PARD3: variants seen among roughly 807,000 people sequenced by gnomAD.
PARD3 encodes the protein partitioning defective 3 homolog.
A neutral mutation model predicts 155.4 loss-of-function variants in PARD3; 75 were observed. The observed-to-expected ratio is 0.48, with a 90% confidence interval of 0.40 to 0.58. The LOEUF is 0.58. PARD3 is among the 20% of genes least tolerant of loss of function. The probability of loss-of-function intolerance (pLI) is 0.00; values close to 1 mark genes in which losing one functional copy is unlikely to be tolerated. For synonymous variants in PARD3, 576 were observed against 610.5 expected (o/e 0.94, Z 0.83); for missense variants, 1,642 against 1,721.7 (o/e 0.95, Z 0.82).
intron 20 of PARD3, among the ~76,000 whole-genome samples, chr10:34,310,942 C>G (rs1328274565): frequency 6.6e-6 from 1 of 152,194 alleles, no homozygotes; most frequent in Non-Finnish European, 1.5e-5. Flanking sequence ...TTTGGAGAAG[C>G]ATTGTTTTCT....
At chr10:34,649,279 A>G (rs1329420547) in intron 2 of PARD3, among the ~76,000 whole-genome samples, 1 of 152,198 alleles carries the variant, frequency 6.6e-6, no homozygotes, top group Non-Finnish European at 1.5e-5. Flanking sequence ...CCTTATCTCC[A>G]TAATTAATTA....
chr10:34,605,044 G>A (rs1390711935), intron 2 of PARD3, among the ~76,000 whole-genome samples: 3 of 151,848 alleles, frequency 2.0e-5, no homozygotes, highest in African/African-American at 7.3e-5. Flanking sequence ...CTCTTCTGGT[G>A]ATTATTATTA....
At chr10:34,535,336 A>T (rs1589917826) in intron 2 of PARD3, among the ~76,000 whole-genome samples, 1 of 152,130 alleles carries the variant, frequency 6.6e-6, no homozygotes, top group African/African-American at 2.4e-5. Context: ...GTGTGCCTGA[A>T]AATCCCCCAT....
chr10:34,417,977 T>G (rs1281601986), intron 5 of PARD3, among the ~76,000 whole-genome samples: 2 of 152,142 alleles, frequency 1.3e-5, no homozygotes, highest in Non-Finnish European at 2.9e-5. Context: ...TCATAAAAAC[T>G]TAAGTTCATA....
intron 22 of PARD3, among the ~76,000 whole-genome samples, chr10:34,159,671 T>C (rs1394779157): frequency 6.6e-6 from 1 of 152,184 alleles, no homozygotes; most frequent in Non-Finnish European, 1.5e-5. Context: ...CATTAGTGTA[T>C]CTACAACAAA....
intron 1 of PARD3, among the ~76,000 whole-genome samples, chr10:34,740,546 A>G (rs1315474600): frequency 6.6e-6 from 1 of 151,968 alleles, no homozygotes; most frequent in African/African-American, 2.4e-5. Context: ...GTGTGTTCAG[A>G]GCTGAGCTGT....
At chr10:34,638,492 T>C (rs2092560657) in intron 2 of PARD3, among the ~76,000 whole-genome samples, 1 of 152,224 alleles carries the variant, frequency 6.6e-6, no homozygotes, top group Non-Finnish European at 1.5e-5. Flanking sequence ...AATGCTATTA[T>C]GACACCTATG....
chr10:34,713,356 AT>A (rs2094474181), intron 1 of PARD3, among the ~76,000 whole-genome samples: 2 of 152,212 alleles, frequency 1.3e-5, no homozygotes, highest in African/African-American at 4.8e-5. Context: ...TGCTAGACTA[AT>A]TTCACTATGA....
At chr10:34,357,358 T>G (rs1838994806) in intron 14 of PARD3, among the ~76,000 whole-genome samples, 2 of 152,344 alleles carry the variant, frequency 1.3e-5, no homozygotes, top group Non-Finnish European at 2.9e-5. Context: ...CCATCTGTCT[T>G]ATTCACTGCT....
intron 21 of PARD3, among the ~76,000 whole-genome samples, chr10:34,271,054 T>A (rs1955589873): frequency 6.6e-6 from 1 of 152,190 alleles, no homozygotes; most frequent in Admixed American, 6.5e-5. Flanking sequence ...CAAATTTAAG[T>A]ACACACTTAA....
At chr10:34,495,258 G>T (rs1007391616) in intron 3 of PARD3, among the ~76,000 whole-genome samples, 1 of 151,642 alleles carries the variant, frequency 6.6e-6, no homozygotes, top group Non-Finnish European at 1.5e-5. Flanking sequence ...AAGCAGATCT[G>T]CCCATCATTG....
At chr10:34,649,867 A>G (rs992658078) in intron 2 of PARD3, among the ~76,000 whole-genome samples, 1 of 152,176 alleles carries the variant, frequency 6.6e-6, no homozygotes, top group Non-Finnish European at 1.5e-5. Flanking sequence ...TTATCCTATA[A>G]ACTTTTTTCC....
chr10:34,814,604 C>G (rs978207233), intron 1 of PARD3, among the ~76,000 whole-genome samples: 2 of 151,946 alleles, frequency 1.3e-5, no homozygotes, highest in Non-Finnish European at 2.9e-5. Context: ...CTGCCCGGCT[C>G]GCCCCGCGCT....
intron 22 of PARD3, among the ~76,000 whole-genome samples, chr10:34,257,552 A>T (rs1254785098): frequency 6.6e-6 from 1 of 152,250 alleles, no homozygotes; most frequent in Non-Finnish European, 1.5e-5. Context: ...AAATCTCTTT[A>T]AAGACCTAAA....
chr10:34,636,552 C>T (rs1342439999), intron 2 of PARD3, among the ~76,000 whole-genome samples: 1 of 152,164 alleles, frequency 6.6e-6, no homozygotes, highest in African/African-American at 2.4e-5. Context: ...GCATGGAAAA[C>T]GAAAATCACA....
chr10:34,142,536 G>T (rs1452027072), intron 22 of PARD3, among the ~76,000 whole-genome samples: 1 of 144,696 alleles, frequency 6.9e-6, no homozygotes, highest in Non-Finnish European at 1.5e-5. Flanking sequence ...CTCTGTCAAA[G>T]AAAAAGAAAG....
At chr10:34,288,685 A>G (rs1956522895) in intron 20 of PARD3, among the ~76,000 whole-genome samples, 1 of 152,206 alleles carries the variant, frequency 6.6e-6, no homozygotes, top group African/African-American at 2.4e-5. Context: ...GATATCAATT[A>G]TTTGTATGTT....
Position 34,355,561 on chromosome 10 carries a change from T to C in PARD3, c.2067+3586A>G, listed in dbSNP as rs546154752. On this transcript the variant is annotated intron_variant, in intron 14 of 24. Transcript: ENST00000374788. ...GACCTGTGAGCTGGAAAGAGGATGA[T>C]AGTATTCATCCTAACAAGTGGTTTC... 9.2e-5 allele frequency among the ~76,000 whole-genome samples: 14 copies of C among 152,132 alleles called. No individual in the cohort carries two copies. In the South Asian group the frequency reaches 2.7e-3, roughly 29 times the overall value.
chr10:34,691,006 A>C (rs1193377696), intron 2 of PARD3, among the ~76,000 whole-genome samples: 4 of 152,160 alleles, frequency 2.6e-5, no homozygotes, highest in Non-Finnish European at 5.9e-5. Context: ...TGAGCCCACG[A>C]GTTTGAGACA....
Sources: allele counts gnomAD v4.1 joint callset (sites outside exome capture counted in the v4.1 genomes callset), GRCh38; gene constraint gnomAD v4.1.1; transcripts MANE v1.5; gene names NCBI Gene and HGNC (gene_info 2026-07-23, HGNC 2026-07-21).